The following STK32B variants were observed in gnomAD, a reference collection of about 807,000 sequenced individuals.
STK32B encodes the protein serine/threonine-protein kinase 32B.
A neutral mutation model predicts 52.6 loss-of-function variants in STK32B; 43 were observed. The observed-to-expected ratio is 0.82, with a 90% CI of 0.64 to 1.05. The LOEUF (loss-of-function observed/expected upper bound fraction) is 1.05, where lower values mean the gene tolerates loss of function less well. Among genes scored for constraint, STK32B ranks in the 50% least tolerant of loss-of-function variants. The pLI, the probability that STK32B is intolerant of heterozygous loss-of-function variation, is 0.00. For missense variants in STK32B, 621 were observed against 534.6 expected (o/e 1.16, Z -1.59); for synonymous variants, 238 against 204.3 (o/e 1.17, Z -1.41).
chr4:5,496,786 G>T (rs1720299548), intron 11 of STK32B, among the ~76,000 whole-genome samples: 1 of 150,936 alleles, frequency 6.6e-6, no homozygotes. Context: ...TCTTTAACAT[G>T]GAAATTTTTT....
chr4:5,050,603 C>T (rs1408465999), upstream of STK32B, among the ~76,000 whole-genome samples: 1 of 152,122 alleles, frequency 6.6e-6, no homozygotes, highest in Non-Finnish European at 1.5e-5. Context: ...GACAGTGGTT[C>T]CAGGCGCCCA....
intron 11 of STK32B, among the ~76,000 whole-genome samples, chr4:5,484,778 G>A (rs1394307628): frequency 6.6e-6 from 1 of 152,138 alleles, no homozygotes; most frequent in African/African-American, 2.4e-5. Flanking sequence ...TTTTAGGGCA[G>A]GCCTGGTGGT....
At chr4:5,278,640 A>G (rs144769978) in intron 3 of STK32B, among the ~76,000 whole-genome samples, 33 of 152,308 alleles carry the variant, frequency 2.2e-4, no homozygotes, top group East Asian at 1.7e-3. Context: ...GCCTGAATCT[A>G]TATTACCAAT....
At chr4:5,455,262 G>A (rs923917584) in intron 7 of STK32B, among the ~76,000 whole-genome samples, 2 of 152,230 alleles carry the variant, frequency 1.3e-5, no homozygotes, top group Non-Finnish European at 2.9e-5. Flanking sequence ...AGCCCTGTGG[G>A]AATTGCCGTT....
chr4:5,458,004 T>G (rs1436965984), intron 8 of STK32B, among the ~76,000 whole-genome samples: 1 of 151,836 alleles, frequency 6.6e-6, no homozygotes, highest in Non-Finnish European at 1.5e-5. Flanking sequence ...TCCTTGACTT[T>G]CTGCAGGAAC....
intron 1 of STK32B, among the ~76,000 whole-genome samples, chr4:5,087,730 A>G (rs1712815029): frequency 6.6e-6 from 1 of 152,046 alleles, no homozygotes; most frequent in Non-Finnish European, 1.5e-5. Flanking sequence ...AAAAAGGTCA[A>G]CCCACCAAGA....
At chr4:5,032,965 A>T in the STK32B span, among the ~76,000 whole-genome samples, 1 of 152,182 alleles carries the variant, frequency 6.6e-6, no homozygotes, top group Non-Finnish European at 1.5e-5. Flanking sequence ...CATCTATAAA[A>T]TGGAGGCCAC....
chr4:5,314,108 G>A (rs545347996), intron 3 of STK32B, among the ~76,000 whole-genome samples: 1 of 137,278 alleles, frequency 7.3e-6, no homozygotes, highest in South Asian at 2.2e-4. Flanking sequence ...GTCTATAATA[G>A]CTAAGCAATT....
intron 1 of STK32B, among the ~76,000 whole-genome samples, chr4:5,091,514 C>T (rs1374244760): frequency 1.3e-5 from 2 of 151,912 alleles, no homozygotes; most frequent in Non-Finnish European, 2.9e-5. Context: ...GTAAATCAAA[C>T]CCACAATGAT....
the STK32B span, among the ~76,000 whole-genome samples, chr4:5,025,344 G>A: frequency 3.9e-5 from 6 of 152,164 alleles, no homozygotes; most frequent in Non-Finnish European, 4.4e-5. Flanking sequence ...GAGGTGGAAC[G>A]GGGGAGCTGG....
At chr4:5,436,735 T>C (rs1438747035) in intron 6 of STK32B, 5 of 947,164 alleles carry the variant, frequency 5.3e-6, no homozygotes, top group Non-Finnish European at 5.0e-6. Flanking sequence ...GGGAATTCCC[T>C]GAACCTAGGA....
chr4:5,461,261 T>C (rs1717004845), intron 9 of STK32B, among the ~76,000 whole-genome samples: 1 of 152,128 alleles, frequency 6.6e-6, no homozygotes, highest in Admixed American at 6.5e-5. Flanking sequence ...CAACATTTGC[T>C]CTTTGTTGTT....
upstream of STK32B, among the ~76,000 whole-genome samples, chr4:5,047,774 G>T (rs751955789): frequency 6.6e-6 from 1 of 152,196 alleles, no homozygotes; most frequent in Non-Finnish European, 1.5e-5. Flanking sequence ...GTAGATGTGG[G>T]GGTTGAACAG....
chr4:5,397,937 T>C (rs796519017), intron 4 of STK32B, among the ~76,000 whole-genome samples: 2 of 152,336 alleles, frequency 1.3e-5, no homozygotes, highest in African/African-American at 4.8e-5. Context: ...CTGTTACCAT[T>C]ACAGCTGGAG....
At chr4:5,099,454 G>GCGTGCGCGCGCACGCGCGTGCACGCGCA (rs1553823531) in intron 1 of STK32B, among the ~76,000 whole-genome samples, 1 of 129,744 alleles carries the variant, frequency 7.7e-6, no homozygotes, top group African/African-American at 2.6e-5. Context: ...GTGTGTGCGC[G>GCGTGCGCGCGCACGCGCGTGCACGCGCA]CGCGCGTATG....
chr4:5,164,163 T>TA (rs1193647550), intron 2 of STK32B, among the ~76,000 whole-genome samples: 1 of 152,192 alleles, frequency 6.6e-6, no homozygotes, highest in Admixed American at 6.5e-5. Flanking sequence ...TTTATTATCT[T>TA]ACAGTTTCGA....
chr4:5,035,696 T>C, the STK32B span, among the ~76,000 whole-genome samples: 1 of 152,196 alleles, frequency 6.6e-6, no homozygotes, highest in Non-Finnish European at 1.5e-5. Context: ...CTCAACGAGC[T>C]GAAGGATCTT....
At chr4:5,189,073 C>T (rs960497593) in intron 3 of STK32B, among the ~76,000 whole-genome samples, 27 of 152,000 alleles carry the variant, frequency 1.8e-4, no homozygotes, top group African/African-American at 6.5e-4. Context: ...GGAGATTTCC[C>T]ATGCACCTGC....
intron 1 of STK32B, among the ~76,000 whole-genome samples, chr4:5,059,004 G>T (rs1056119832): frequency 6.9e-6 from 1 of 145,072 alleles, no homozygotes; most frequent in Non-Finnish European, 1.5e-5. Context: ...GCCCACCTTG[G>T]CCTCCCAAAG....
Sources: gnomAD v4.1 joint callset for allele counts (sites outside exome capture counted in the v4.1 genomes callset) on GRCh38, gnomAD v4.1.1 for gene constraint, MANE v1.5 for transcripts, NCBI Gene and HGNC (gene_info 2026-07-23, HGNC 2026-07-21) for gene names.